The following ZNF692 variants were observed in gnomAD, a reference collection of about 807,000 sequenced individuals.
The protein encoded by ZNF692 is AICAR responsive element binding protein.
ZNF692 carries 41 observed loss-of-function variants against 49.0 expected under a neutral mutation model. The observed-to-expected ratio is 0.84, with a 90% confidence interval of 0.65 to 1.08. The LOEUF is 1.08. Among genes scored for constraint, ZNF692 ranks in the 50% least tolerant of loss-of-function variants. ZNF692 has a pLI of 0.00. For missense variants in ZNF692, 662 were observed against 662.2 expected (o/e 1.00, Z 0.00); for synonymous variants, 288 against 251.5 (o/e 1.15, Z -1.37).
chr1:248,858,605 G>A lies in ZNF692; in HGVS notation c.-12-284C>T. 6.6e-7 allele frequency: 1 copy of A among 1,520,740 alleles called. No individual in the cohort carries two copies. The highest frequency in any genetic ancestry group is 8.9e-7 in the Non-Finnish European group (1 of 1,119,080). 94.2% of individuals were successfully genotyped at this position (1,520,740 alleles called of 1,614,324 possible). The stretch of plus-strand genomic sequence containing the variant: ...TCCACTGAAGTGGAGCTGTGGGGAA[G>A]GGGCGAGAGACTTTCACGGGAAATT... On this transcript the variant is annotated intron_variant, in intron 1 of 11. Coordinates refer to ENST00000306601, the MANE Select transcript of ZNF692 (RefSeq NM_017865.4). This position sits in a 1 kb window ranked among gnomAD's most constrained non-coding sequence, Gnocchi z 4.3.
At chr1:248,855,534 G>A in intron 8 of ZNF692, 24 bp downstream of exon 8, 1 of 1,614,070 alleles carries the variant, frequency 6.2e-7, no homozygotes, top group Non-Finnish European at 8.5e-7. Flanking sequence ...GCCCTCCCCA[G>A]AACCCCATCT....
Position 248,855,566 on chromosome 1 carries a change from C to G in ZNF692, c.951G>C (p.Lys317Asn). The G allele has an allele frequency of 6.2e-7, 1 of 1,614,200 alleles. No individual in the cohort carries two copies. Residue 317 changes from lysine (K) to asparagine (N), a missense_variant, in exon 8 of 12, where the codon AAG becomes AAC. Transcript: ENST00000306601. ...ATCTCCCTAAGTCCTACCTAATTCT[C>G]TTGGGGCCAATTTGTGCAGTGTCCT... ...WDEDTAQIGP[K>N]RIRKAAKREL...
rs775869229 is a variant in ZNF692, at chr1:248,855,229, AT to A, written c.1038+150del. ...ATAGCAGCACCTAATCTATGGGGAT[AT>A]TGTGAGGACCAAAAGACTTTATACA... On this transcript the variant is annotated intron_variant, in intron 9 of 11. Coordinates refer to ENST00000306601, the MANE Select transcript of ZNF692 (RefSeq NM_017865.4). 2.5e-4 allele frequency: 176 copies of A among 702,346 alleles called. 1 individual carries two copies. The highest frequency in any genetic ancestry group is 1.8e-3 in the African/African-American group (102 of 55,780). 43.5% of individuals were successfully genotyped at this position (702,346 alleles called of 1,614,324 possible). A position where few individuals can be genotyped will look rare whatever the true frequency, so the allele number is the denominator to read the frequency against.
intron 3 of ZNF692, 121 bp from the exon 4 acceptor site, chr1:248,857,618 T>G: frequency 6.7e-7 from 1 of 1,489,912 alleles, no homozygotes; most frequent in Non-Finnish European, 8.9e-7. Context: ...CCAGTCCAAT[T>G]TATCATTCTT....
chr1:248,856,147 C>CTCTA lies in ZNF692; in HGVS notation c.659+137_659+140dup. The CTCTA allele has an allele frequency of 2.1e-6, 3 of 1,403,298 alleles. No individual in the cohort carries two copies. The South Asian group carries it at 4.3e-5, about 20-fold the overall frequency. 86.9% of individuals were successfully genotyped at this position (1,403,298 alleles called of 1,614,324 possible). A position where few individuals can be genotyped will look rare whatever the true frequency, so the allele number is the denominator to read the frequency against. ...CCTTTTCACCCCCTCAGTTCAAAGC[C>CTCTA]TCTAGTTCTTTTTGCCTTCCCCAAA... On this transcript the variant is annotated intron_variant, in intron 6 of 11. Coordinates refer to ENST00000306601, the MANE Select transcript of ZNF692 (RefSeq NM_017865.4).
Position 248,857,642 on chromosome 1 carries a change from C to CACT in ZNF692, c.212-148_212-146dup, listed in dbSNP as rs1660395332. The CACT allele has an allele frequency of 7.5e-6, 11 of 1,472,112 alleles. No homozygotes were observed. The South Asian group carries it at 1.6e-4, about 21-fold the overall frequency. The allele number at this position is 1,472,112 out of a possible 1,614,324, so 91.2% of individuals were successfully genotyped here. Reference sequence around the variant, plus strand: ...TTTATCATTCTTCAGAACCTAGACACACTAGATCCTGAGACATTGCTCCCT... The same window carrying CACT: ...TTTATCATTCTTCAGAACCTAGACACACTACTAGATCCTGAGACATTGCTCCCT... On this transcript the variant is annotated intron_variant, in intron 3 of 11. Coordinates refer to ENST00000306601, the MANE Select transcript of ZNF692 (RefSeq NM_017865.4).
intron 9 of ZNF692, chr1:248,854,325 T>C (rs1659964967): frequency 5.1e-6 from 2 of 394,894 alleles, no homozygotes; most frequent in African/African-American, 2.0e-5. Flanking sequence ...TGTCACACTC[T>C]CACCCTGCAA....
chr1:248,858,102 T>TC lies in ZNF692; in HGVS notation c.179+28dup, dbSNP rs1282441702. 6.4e-7 allele frequency: 1 copy of TC among 1,552,498 alleles called. No individual in the cohort carries two copies. Among genetic ancestry groups the TC allele is most frequent in the Non-Finnish European group, 8.7e-7 (1 of 1,152,684 alleles). ...GCTAGGGGCTGCTGCCTGGGTACCC[T>TC]CCCCCAAGCCCTTCTCCCGGCCCCT... On this transcript the variant is annotated intron_variant, in intron 2 of 11. Coordinates refer to ENST00000306601, the MANE Select transcript of ZNF692 (RefSeq NM_017865.4). The surrounding 1 kb of genome is among the most constrained non-coding windows in gnomAD (Gnocchi z 4.3).
chr1:248,858,606 G>C lies in ZNF692; in HGVS notation c.-12-285C>G, dbSNP rs895390890. 7 of 1,519,086 alleles carry C rather than the reference G, an allele frequency of 4.6e-6. No individual in the cohort carries two copies. The Admixed American group carries it at 1.4e-4, about 30-fold the overall frequency. The allele number at this position is 1,519,086 out of a possible 1,614,324, so 94.1% of individuals were successfully genotyped here. On this transcript the variant is annotated intron_variant, in intron 1 of 11. Coordinates refer to ENST00000306601, the MANE Select transcript of ZNF692 (RefSeq NM_017865.4). The surrounding 1 kb of genome is among the most constrained non-coding windows in gnomAD (Gnocchi z 4.3). ...CCACTGAAGTGGAGCTGTGGGGAAG[G>C]GGCGAGAGACTTTCACGGGAAATTT...
intron 10 of ZNF692, 50 bp downstream of exon 10, chr1:248,853,887 C>A (rs1042862873): frequency 6.8e-7 from 1 of 1,469,248 alleles, no homozygotes; most frequent in Non-Finnish European, 9.5e-7. Context: ...ACGGGACCCA[C>A]AAAGGAAGGT....
intron 3 of ZNF692, 108 bp downstream of exon 3, chr1:248,857,720 C>T: frequency 1.3e-6 from 2 of 1,522,908 alleles, no homozygotes; most frequent in African/African-American, 1.4e-5. Flanking sequence ...CCAACTCACC[C>T]CACCCTTCCC....
In ZNF692 at chr1:248,858,436, C is replaced by A; in HGVS notation, c.-12-115G>T. 1 of 1,551,366 alleles carries A rather than the reference C, an allele frequency of 6.4e-7. No homozygotes were observed. The highest frequency in any genetic ancestry group is 1.2e-5 in the South Asian group (1 of 84,058). On this transcript the variant is annotated intron_variant, in intron 1 of 11. Coordinates refer to ENST00000306601, the MANE Select transcript of ZNF692 (RefSeq NM_017865.4). This position sits in a 1 kb window ranked among gnomAD's most constrained non-coding sequence, Gnocchi z 4.3. ...ATCAGTGAACTGGGGCAAGACTAAA[C>A]TATTTCAATAGCAGTGGCAGGTGTG...
Position 248,858,056 on chromosome 1 carries a change from A to G in ZNF692, c.179+75T>C. The G allele has an allele frequency of 6.4e-7, 1 of 1,553,760 alleles. No individual in the cohort carries two copies. Among genetic ancestry groups the G allele is most frequent in the Non-Finnish European group, 8.7e-7 (1 of 1,155,552 alleles). On this transcript the variant is annotated intron_variant, in intron 2 of 11. Coordinates refer to ENST00000306601, the MANE Select transcript of ZNF692 (RefSeq NM_017865.4). This position sits in a 1 kb window ranked among gnomAD's most constrained non-coding sequence, Gnocchi z 4.3. ...AAACCTGAGGGTGGAAAAGAGCAGC[A>G]GGACAGGCCCTGGAGAGGAGGCTAG...
chr1:248,858,461 G>C lies in ZNF692; in HGVS notation c.-12-140C>G. ...CTATTTCAATAGCAGTGGCAGGTGT[G>C]GAGCCAAACCCCGTCCTTCTATGAT... On this transcript the variant is annotated intron_variant, in intron 1 of 11. Transcript: ENST00000306601. The surrounding 1 kb of genome is among the most constrained non-coding windows in gnomAD (Gnocchi z 4.3). The C allele has an allele frequency of 6.4e-7, 1 of 1,551,668 alleles. No individual in the cohort carries two copies. The highest frequency in any genetic ancestry group is 2.4e-5 in the East Asian group (1 of 40,922).
Position 248,858,232 on chromosome 1 carries a change from C to T in ZNF692, c.78G>A (p.Lys26=), listed in dbSNP as rs753130508. 1.3e-6 allele frequency: 2 copies of T among 1,590,230 alleles called. No homozygotes were observed. Among genetic ancestry groups the T allele is most frequent in the African/African-American group, 1.3e-5 (1 of 74,706 alleles). ...KRRQLDARRS[K]CRIRLGGHME... is the part of the protein sequence containing the mutation. ...TGTGGCCGCCCAGGCGGATGCGGCA[C>T]TTGCTGCGGCGCGCGTCCAGCTGCC... is the stretch of plus-strand genomic sequence containing the variant. Residue 26 remains lysine, a synonymous_variant, in exon 2 of 12, where the codon AAG becomes AAA. Transcript: ENST00000306601. The surrounding 1 kb of genome is among the most constrained non-coding windows in gnomAD (Gnocchi z 4.3).
chr1:248,852,334 C>T (rs993514208), intron 10 of ZNF692, among the ~76,000 whole-genome samples: 1 of 152,162 alleles, frequency 6.6e-6, no homozygotes, highest in Admixed American at 6.5e-5. Context: ...CTTCTGCCCA[C>T]CAAATCCACT....
At position 248,858,208 on chromosome 1, in the gene ZNF692, G is replaced by A. The variant is rs766744822; in HGVS notation, c.102C>T (p.His34=). Residue 34 remains histidine, a synonymous_variant, in exon 2 of 12, where the codon CAC becomes CAT. Coordinates refer to ENST00000306601, the MANE Select transcript of ZNF692 (RefSeq NM_017865.4). The surrounding 1 kb of genome is among the most constrained non-coding windows in gnomAD (Gnocchi z 4.3). Reference sequence around the variant, plus strand: ...CCTTGAGGAGGCACCACTGCTCCATGTGGCCGCCCAGGCGGATGCGGCACT... The same window carrying A: ...CCTTGAGGAGGCACCACTGCTCCATATGGCCGCCCAGGCGGATGCGGCACT... ...RSKCRIRLGG[H]MEQWCLLKER... The A allele has an allele frequency of 4.4e-6, 7 of 1,592,742 alleles. No homozygotes were observed. The African/African-American group carries it at 9.4e-5, about 21-fold the overall frequency.
rs760655992 is a variant in ZNF692 at position 248,858,185 on chromosome 1, T to C, written c.125A>G (p.Lys42Arg). 3 of 1,582,490 alleles carry C rather than the reference T, an allele frequency of 1.9e-6. No homozygotes were observed. Among genetic ancestry groups the C allele is most frequent in the South Asian group, 2.2e-5 (2 of 90,462 alleles). The change falls in exon 2 of 12, where the codon AAG becomes AGG. Residue 42 changes from lysine to arginine, a missense_variant. Physicochemically the swap from Lys to Arg is conservative, Grantham distance 26 (BLOSUM62 2). Coordinates refer to ENST00000306601, the MANE Select transcript of ZNF692 (RefSeq NM_017865.4). This position sits in a 1 kb window ranked among gnomAD's most constrained non-coding sequence, Gnocchi z 4.3. ...GTGCAGGGAGAAGCCCAGCCGCTCC[T>C]TGAGGAGGCACCACTGCTCCATGTG... ...GGHMEQWCLL[K>R]ERLGFSLHSQ...
chr1:248,856,694 C>T, intron 4 of ZNF692, 132 bp from the exon 5 acceptor site: 1 of 1,130,710 alleles, frequency 8.8e-7, no homozygotes, highest in Non-Finnish European at 1.3e-6. Flanking sequence ...CACTATGTTG[C>T]CCAGGCTGGT....
Sources: allele counts gnomAD v4.1 joint callset (sites outside exome capture counted in the v4.1 genomes callset), GRCh38; gene constraint gnomAD v4.1.1; non-coding constraint Gnocchi (gnomAD v3.1); transcripts MANE v1.5; gene names NCBI Gene and HGNC (gene_info 2026-07-23, HGNC 2026-07-21).